Variants in CADPS2 observed in about 807,000 individuals in gnomAD.
CADPS2 encodes the protein calcium dependent secretion activator 2, also known as calcium-dependent secretion activator 2.
In CADPS2, 93 loss-of-function variants were observed where a neutral mutation model predicts 172.5. The observed-to-expected ratio is 0.54, with a 90% CI of 0.46 to 0.64. The LOEUF (loss-of-function observed/expected upper bound fraction) is 0.64, where lower values mean the gene tolerates loss of function less well. Among genes scored for constraint, CADPS2 ranks in the 30% least tolerant of loss-of-function variants. CADPS2 has a pLI of 0.00. For missense variants in CADPS2, 1,420 were observed against 1,565.9 expected (o/e 0.91, Z 1.57); for synonymous variants, 546 against 555.2 (o/e 0.98, Z 0.23).
intron 2 of CADPS2, among the ~76,000 whole-genome samples, chr7:122,732,589 G>C (rs2091753183): frequency 6.8e-6 from 1 of 147,170 alleles, no homozygotes; most frequent in Non-Finnish European, 1.5e-5. Context: ...TATATTCTAG[G>C]ATTAGATCTT....
intron 17 of CADPS2, among the ~76,000 whole-genome samples, chr7:122,424,909 T>C (rs1447614354): frequency 1.3e-5 from 2 of 151,410 alleles, no homozygotes; most frequent in Non-Finnish European, 2.9e-5. Flanking sequence ...ATAACTGTGT[T>C]ATAGGATTTT....
intron 1 of CADPS2, among the ~76,000 whole-genome samples, chr7:122,772,441 T>C (rs1300397179): frequency 6.6e-6 from 1 of 152,188 alleles, no homozygotes; most frequent in African/African-American, 2.4e-5. Flanking sequence ...AATTTTAAAA[T>C]GCCACTTTAC....
intron 2 of CADPS2, chr7:122,698,468 C>A (rs372734431): frequency 1.2e-6 from 2 of 1,613,688 alleles, no homozygotes; most frequent in East Asian, 2.2e-5. Context: ...ATAACCACAA[C>A]GACATCTTCA....
chr7:122,454,121 T>A (rs1385365393), intron 14 of CADPS2, among the ~76,000 whole-genome samples: 1 of 152,190 alleles, frequency 6.6e-6, no homozygotes, highest in Non-Finnish European at 1.5e-5. Flanking sequence ...CTACAATAAT[T>A]CTTCCCGATA....
intron 3 of CADPS2, among the ~76,000 whole-genome samples, chr7:122,662,222 A>G (rs554182720): frequency 6.6e-6 from 1 of 152,358 alleles, no homozygotes; most frequent in South Asian, 2.1e-4. Context: ...TCAGAATTTT[A>G]TCAATTTAAG....
chr7:122,438,501 T>C (rs377578010), intron 16 of CADPS2, 37 bp from the exon 17 acceptor site: 9 of 1,608,164 alleles, frequency 5.6e-6, no homozygotes, highest in African/African-American at 1.3e-5. Flanking sequence ...AGGGGCAGGG[T>C]TGGGGATAGA....
At chr7:122,782,462 T>C (rs1374401287) in intron 1 of CADPS2, among the ~76,000 whole-genome samples, 3 of 152,074 alleles carry the variant, frequency 2.0e-5, no homozygotes, top group African/African-American at 7.2e-5. Flanking sequence ...ACAACAAAAA[T>C]TAGCACGGTG....
chr7:122,870,885 G>A (rs1039594425), intron 1 of CADPS2, among the ~76,000 whole-genome samples: 6 of 151,874 alleles, frequency 4.0e-5, no homozygotes, highest in African/African-American at 1.5e-4. Flanking sequence ...TTTATAGCAG[G>A]GAACATTTTT....
intron 2 of CADPS2, among the ~76,000 whole-genome samples, chr7:122,671,123 T>C (rs911800804): frequency 3.3e-5 from 5 of 152,178 alleles, no homozygotes; most frequent in Admixed American, 1.3e-4. Flanking sequence ...CTTTTTTCTT[T>C]AAAATACTGA....
At chr7:122,833,349 A>AT (rs1048598778) in intron 1 of CADPS2, among the ~76,000 whole-genome samples, 3 of 151,962 alleles carry the variant, frequency 2.0e-5, no homozygotes, top group East Asian at 3.9e-4. Flanking sequence ...TGCTTTATTT[A>AT]TTTATTTTAT....
intron 8 of CADPS2, among the ~76,000 whole-genome samples, chr7:122,541,690 T>C (rs1046116263): frequency 1.6e-4 from 24 of 145,856 alleles, no homozygotes; most frequent in Non-Finnish European, 3.0e-4. Context: ...TATTTATTCA[T>C]ATATGTTTAT....
At chr7:122,571,191 T>G (rs1302812178) in intron 7 of CADPS2, among the ~76,000 whole-genome samples, 1 of 151,972 alleles carries the variant, frequency 6.6e-6, no homozygotes, top group Admixed American at 6.6e-5. Flanking sequence ...GGGGAAAATA[T>G]TTGAACAGAT....
intron 2 of CADPS2, among the ~76,000 whole-genome samples, chr7:122,720,912 A>G (rs2090320606): frequency 6.6e-6 from 1 of 151,760 alleles, no homozygotes; most frequent in Non-Finnish European, 1.5e-5. Flanking sequence ...GCAGTTTCAT[A>G]TGGTTTAACA....
chr7:122,386,315 T>C, intron 24 of CADPS2: 2 of 1,435,502 alleles, frequency 1.4e-6, no homozygotes, highest in Non-Finnish European at 1.8e-6. Context: ...CCAAACTGGA[T>C]CATGCCATGG....
rs923501781 is a variant in CADPS2, at chr7:122,379,458, T to C, written c.3313-16A>G. ...GGTACTGTTGCTAGATATTAAAAGA[T>C]AAAAACTCATTAGTTGACATGGACA... is the stretch of plus-strand genomic sequence containing the variant. On this transcript the variant is annotated splice_polypyrimidine_tract_variant and intron_variant, in intron 24 of 29. Coordinates refer to ENST00000449022, the MANE Select transcript of CADPS2 (RefSeq NM_017954.11). The C allele has an allele frequency of 2.6e-6, 4 of 1,553,144 alleles. No homozygotes were observed. The African/African-American group carries it at 4.1e-5, about 16-fold the overall frequency.
chr7:122,834,447 C>A (rs1031482489), intron 1 of CADPS2, among the ~76,000 whole-genome samples: 1 of 152,078 alleles, frequency 6.6e-6, no homozygotes, highest in Non-Finnish European at 1.5e-5. Flanking sequence ...TGCAGGACAG[C>A]GGGTGCAGCC....
intron 17 of CADPS2, chr7:122,424,589 T>G (rs988223955): frequency 2.0e-5 from 3 of 152,316 alleles, no homozygotes; most frequent in African/African-American, 7.2e-5. Context: ...CTTAAAGAGA[T>G]GATAGTGATG....
intron 2 of CADPS2, among the ~76,000 whole-genome samples, chr7:122,725,241 T>A (rs1158869483): frequency 1.3e-5 from 2 of 152,020 alleles, no homozygotes; most frequent in African/African-American, 2.4e-5. Context: ...TCTAATGTTT[T>A]CCCATCCTAG....
intron 5 of CADPS2, among the ~76,000 whole-genome samples, chr7:122,619,736 T>G (rs1225833627): frequency 1.3e-5 from 2 of 152,214 alleles, no homozygotes; most frequent in Non-Finnish European, 2.9e-5. Flanking sequence ...GTTGACGTTT[T>G]GTATTTCACT....
Sources: allele counts gnomAD v4.1 joint callset (sites outside exome capture counted in the v4.1 genomes callset), GRCh38; gene constraint gnomAD v4.1.1; transcripts MANE v1.5; gene names NCBI Gene and HGNC (gene_info 2026-07-23, HGNC 2026-07-21).